Variants in ARHGAP42 observed in about 807,000 individuals in gnomAD.
The protein encoded by ARHGAP42 is Rho GTPase activating protein 42, also known as rho GTPase-activating protein 42.
A neutral mutation model predicts 125.0 loss-of-function variants in ARHGAP42; 63 were observed. The observed-to-expected ratio is 0.50, with a 90% CI of 0.41 to 0.62. The LOEUF (loss-of-function observed/expected upper bound fraction) is 0.62. Among genes scored for constraint, ARHGAP42 ranks in the 20% least tolerant of loss-of-function variants. ARHGAP42 has a pLI of 0.00. For synonymous variants in ARHGAP42, 339 were observed against 351.0 expected, an observed-to-expected ratio of 0.97 and a Z score of 0.38; for missense variants, 766 against 1,024.2, an observed-to-expected ratio of 0.75 and a Z score of 3.44.
At chr11:100,862,071 A>G (rs760132613) in intron 4 of ARHGAP42, among the ~76,000 whole-genome samples, 40 of 152,338 alleles carry the variant, frequency 2.6e-4, no homozygotes, top group Non-Finnish European at 5.0e-4. Flanking sequence ...GAGTCTTTTC[A>G]AAATTAATAA....
chr11:100,896,085 A>C (rs548945260), intron 4 of ARHGAP42, among the ~76,000 whole-genome samples: 1 of 152,166 alleles, frequency 6.6e-6, no homozygotes. Context: ...GAGTGAGAAC[A>C]TGCGGTGTTT....
Position 100,959,965 on chromosome 11 carries a change from T to C in ARHGAP42, c.1225+20T>C. ...CAAGAGGTCAGTGTTGCCTGATTGG[T>C]ACAGCATCCCTGTCATGTGTCTCAT... On this transcript the variant is annotated intron_variant, in intron 13 of 23. Transcript: ENST00000298815. The C allele has an allele frequency of 1.3e-6, 2 of 1,543,718 alleles. No homozygotes were observed. The highest frequency in any genetic ancestry group is 1.8e-6 in the Non-Finnish European group (2 of 1,140,248).
intron 1 of ARHGAP42, among the ~76,000 whole-genome samples, chr11:100,738,942 A>G (rs1407793444): frequency 1.3e-5 from 2 of 152,232 alleles, no homozygotes; most frequent in Non-Finnish European, 2.9e-5. Context: ...GGCCACTCCT[A>G]TTGGTAAATC....
chr11:100,879,882 G>A (rs771895928), intron 4 of ARHGAP42, among the ~76,000 whole-genome samples: 13 of 152,234 alleles, frequency 8.5e-5, no homozygotes, highest in South Asian at 2.1e-4. Flanking sequence ...AATCTTTTGG[G>A]TTCAGATCAC....
At chr11:100,840,633 G>T (rs1864923077) in intron 3 of ARHGAP42, 1 of 152,024 alleles carries the variant, frequency 6.6e-6, no homozygotes. Flanking sequence ...ACTTAGAAGG[G>T]TTAAAAGAAA....
intron 3 of ARHGAP42, among the ~76,000 whole-genome samples, chr11:100,858,086 GGTGTGTGT>G (rs201861404): frequency 3.8e-4 from 41 of 109,018 alleles, no homozygotes; most frequent in Non-Finnish European, 5.6e-4. Flanking sequence ...TCTGGATAGG[GGTGTGTGT>G]GTGTGTGTGT....
chr11:100,850,503 G>A (rs1474347746), intron 3 of ARHGAP42, among the ~76,000 whole-genome samples: 1 of 152,124 alleles, frequency 6.6e-6, no homozygotes, highest in Non-Finnish European at 1.5e-5. Flanking sequence ...AGTATATGCA[G>A]TCTTGTTGAC....
intron 4 of ARHGAP42, among the ~76,000 whole-genome samples, chr11:100,888,390 A>G (rs1866144243): frequency 6.6e-6 from 1 of 152,142 alleles, no homozygotes; most frequent in African/African-American, 2.4e-5. Context: ...GGATTTGTAA[A>G]GTGTTGCATG....
At position 100,687,469 on chromosome 11, in the gene ARHGAP42, C is replaced by T. The variant is rs1374739374; in HGVS notation, c.-210C>T. 2.0e-5 allele frequency among the ~76,000 whole-genome samples: 3 copies of T among 151,952 alleles called. No individual in the cohort carries two copies. In the East Asian group the frequency reaches 5.8e-4, roughly 30 times the overall value. On this transcript the variant is annotated 5_prime_UTR_variant, in exon 1 of 24. Coordinates refer to ENST00000298815, the MANE Select transcript of ARHGAP42 (RefSeq NM_152432.4). ...TCGCGCCTCGGCCCGCCGCCCGCGC[C>T]TGCGCTCGCCTAGCCTCGGGGGAGG... is the stretch of plus-strand genomic sequence containing the variant.
chr11:100,748,994 G>A (rs1831842882), intron 1 of ARHGAP42, among the ~76,000 whole-genome samples: 1 of 150,952 alleles, frequency 6.6e-6, no homozygotes, highest in African/African-American at 2.4e-5. Context: ...CTCTCTCTCT[G>A]CCTCTCTCTT....
intron 4 of ARHGAP42, among the ~76,000 whole-genome samples, chr11:100,861,175 A>G (rs779826051): frequency 6.6e-6 from 1 of 152,218 alleles, no homozygotes; most frequent in Non-Finnish European, 1.5e-5. Flanking sequence ...AAAAGGGGAC[A>G]CAATGGTGGG....
intron 4 of ARHGAP42, among the ~76,000 whole-genome samples, chr11:100,911,630 C>T (rs1159554861): frequency 6.6e-6 from 1 of 152,024 alleles, no homozygotes; most frequent in Non-Finnish European, 1.5e-5. Flanking sequence ...AAGTTGTGGA[C>T]ATAAAGTGCC....
chr11:100,956,324 CAG>C (rs1285735019), intron 12 of ARHGAP42, among the ~76,000 whole-genome samples: 4 of 152,164 alleles, frequency 2.6e-5, no homozygotes, highest in African/African-American at 9.6e-5. Flanking sequence ...CCTCAAGTCT[CAG>C]AGGCTGATGA....
intron 3 of ARHGAP42, among the ~76,000 whole-genome samples, chr11:100,826,746 A>G (rs1864522961): frequency 6.6e-6 from 1 of 152,048 alleles, no homozygotes; most frequent in Non-Finnish European, 1.5e-5. Context: ...TCCCTAAGAA[A>G]TCCTTCCTGC....
chr11:100,790,470 ATTGT>A (rs1863539535), intron 2 of ARHGAP42, among the ~76,000 whole-genome samples: 1 of 152,172 alleles, frequency 6.6e-6, no homozygotes, highest in Non-Finnish European at 1.5e-5. Flanking sequence ...CTATATTTTG[ATTGT>A]TCTTTAGTAA....
At chr11:100,879,280 C>T (rs974606817) in intron 4 of ARHGAP42, among the ~76,000 whole-genome samples, 1 of 152,032 alleles carries the variant, frequency 6.6e-6, no homozygotes, top group Non-Finnish European at 1.5e-5. Flanking sequence ...TAATGTGGTC[C>T]TCTCTATTTG....
At chr11:100,838,791 G>A (rs756778136) in intron 3 of ARHGAP42, among the ~76,000 whole-genome samples, 4 of 152,072 alleles carry the variant, frequency 2.6e-5, no homozygotes, top group African/African-American at 4.8e-5. Flanking sequence ...ATAATGCTTC[G>A]TTGAGGATCA....
chr11:100,824,640 C>T (rs868116051), intron 3 of ARHGAP42, among the ~76,000 whole-genome samples: 1 of 152,104 alleles, frequency 6.6e-6, no homozygotes, highest in Non-Finnish European at 1.5e-5. Context: ...ATGTAGGGCT[C>T]TAGCGGAGAC....
At chr11:100,846,712 A>G (rs187604076) in intron 3 of ARHGAP42, among the ~76,000 whole-genome samples, 3 of 152,212 alleles carry the variant, frequency 2.0e-5, no homozygotes, top group Admixed American at 2.0e-4. Context: ...ATCTGCTGTG[A>G]TAGTCATATG....
Sources: allele counts gnomAD v4.1 joint callset (sites outside exome capture counted in the v4.1 genomes callset), GRCh38; gene constraint gnomAD v4.1.1; transcripts MANE v1.5; gene names NCBI Gene and HGNC (gene_info 2026-07-23, HGNC 2026-07-21).